Variants in XYLT1 observed in about 807,000 individuals in gnomAD.
XYLT1 encodes the protein beta-D-xylosyltransferase 1.
In XYLT1, 36 loss-of-function variants were observed where a neutral mutation model predicts 91.3. The ratio of observed to expected loss-of-function variants is 0.39; its 90% confidence interval spans 0.30 to 0.52. The LOEUF is 0.52. XYLT1 is among the 20% of genes least tolerant of loss of function. The pLI is 0.68. For synonymous variants in XYLT1, 588 were observed against 532.0 expected, an observed-to-expected ratio of 1.11 and a Z score of -1.45; for missense variants, 1,242 against 1,284.5, an observed-to-expected ratio of 0.97 and a Z score of 0.51.
At chr16:17,178,734 T>C (rs868703527) in intron 5 of XYLT1, among the ~76,000 whole-genome samples, 30 of 152,300 alleles carry the variant, frequency 2.0e-4, no homozygotes, top group South Asian at 1.0e-3. Context: ...GAGACATATA[T>C]GTACCACAAA....
intron 1 of XYLT1, among the ~76,000 whole-genome samples, chr16:17,465,547 GT>G (rs368241689): frequency 0.36 from 23,738 of 65,434 alleles, 2,559 homozygotes; most frequent in Non-Finnish European, 0.4. Context: ...AATTTTTTGT[GT>G]TTTTTTTTGG....
intron 1 of XYLT1, among the ~76,000 whole-genome samples, chr16:17,467,055 A>G (rs1338160686): frequency 6.6e-6 from 1 of 152,232 alleles, no homozygotes; most frequent in Non-Finnish European, 1.5e-5. Context: ...GTCCTGAGTT[A>G]TCTGAGTAAT....
intron 5 of XYLT1, among the ~76,000 whole-genome samples, chr16:17,167,126 C>T (rs547582276): frequency 1.3e-5 from 2 of 152,218 alleles, no homozygotes; most frequent in African/African-American, 4.8e-5. Context: ...AGGGGAGATG[C>T]AGACCTCAGT....
chr16:17,320,774 C>A (rs895918784), intron 2 of XYLT1, among the ~76,000 whole-genome samples: 12 of 123,640 alleles, frequency 9.7e-5, no homozygotes, highest in African/African-American at 3.8e-4. Flanking sequence ...GCCACCGCAT[C>A]TGGCCGACCT....
chr16:17,176,862 C>T (rs1038671822), intron 5 of XYLT1, among the ~76,000 whole-genome samples: 23 of 150,468 alleles, frequency 1.5e-4, no homozygotes, highest in Non-Finnish European at 2.4e-4. Flanking sequence ...CTTTCTTTTT[C>T]CCACTGCCAA....
intron 2 of XYLT1, among the ~76,000 whole-genome samples, chr16:17,277,653 G>A (rs1056383436): frequency 6.6e-6 from 1 of 152,134 alleles, no homozygotes; most frequent in African/African-American, 2.4e-5. Flanking sequence ...GCCTCCCAAA[G>A]TGCTGGGATT....
intron 2 of XYLT1, among the ~76,000 whole-genome samples, chr16:17,281,652 T>G (rs958021622): frequency 6.6e-6 from 1 of 152,206 alleles, no homozygotes; most frequent in Non-Finnish European, 1.5e-5. Context: ...GTGTAAGTGT[T>G]GGCAAGGTGT....
rs1047399551 is a variant in XYLT1, at chr16:17,102,232, C to G, written c.*6463G>C. The G allele has an allele frequency of 6.6e-6, 1 of 152,540 alleles. No homozygotes were observed. The highest frequency in any genetic ancestry group is 2.4e-5 in the African/African-American group (1 of 41,438). 9.4% of individuals were successfully genotyped at this position (152,540 alleles called of 1,614,324 possible). A position where few individuals can be genotyped will look rare whatever the true frequency, so the allele number is the denominator to read the frequency against. On this transcript the variant is annotated 3_prime_UTR_variant, in exon 12 of 12. Coordinates refer to ENST00000261381, the MANE Select transcript of XYLT1 (RefSeq NM_022166.4). ...CAGTTTGGATGATAAATTATATAGTCATCCTATCTTCACCATGCAGATGAC... is the reference window on the plus strand; with the variant it reads ...CAGTTTGGATGATAAATTATATAGTGATCCTATCTTCACCATGCAGATGAC...
At chr16:17,400,668 GA>G (rs2035955009) in intron 1 of XYLT1, among the ~76,000 whole-genome samples, 1 of 128,270 alleles carries the variant, frequency 7.8e-6, no homozygotes, top group African/African-American at 3.1e-5. Context: ...AGGAAGGAAG[GA>G]AGGAAGGAAC....
At chr16:17,327,896 G>A (rs1428372411) in intron 2 of XYLT1, among the ~76,000 whole-genome samples, 1 of 151,996 alleles carries the variant, frequency 6.6e-6, no homozygotes. Context: ...AAGCATAACT[G>A]GAGGATAAGA....
intron 2 of XYLT1, among the ~76,000 whole-genome samples, chr16:17,329,536 T>C (rs2034864713): frequency 6.6e-6 from 1 of 152,196 alleles, no homozygotes. Flanking sequence ...TCCAACATTA[T>C]CTCATTGCCC....
intron 10 of XYLT1, among the ~76,000 whole-genome samples, chr16:17,126,276 C>G (rs2030257686): frequency 6.6e-6 from 1 of 152,216 alleles, no homozygotes; most frequent in Non-Finnish European, 1.5e-5. Flanking sequence ...AGTCACCCAA[C>G]AGCAGGCTGA....
intron 1 of XYLT1, 58 bp from the exon 2 acceptor site, chr16:17,358,108 C>T (rs951267534): frequency 2.6e-6 from 4 of 1,525,280 alleles, no homozygotes; most frequent in Non-Finnish European, 3.6e-6. Flanking sequence ...ACTTACTACC[C>T]CAGCATCTTT....
Position 17,225,903 on chromosome 16 carries a change from C to T in XYLT1, c.914-25249G>A, listed in dbSNP as rs76662712. The stretch of plus-strand genomic sequence containing the variant: ...TGACTTCATGTGGCTTAAGCAGATT[C>T]GGATCATAAGTTCTTTGGATTTTTG... On this transcript the variant is annotated intron_variant, in intron 3 of 11. Coordinates refer to ENST00000261381, the MANE Select transcript of XYLT1 (RefSeq NM_022166.4). Among the ~76,000 whole-genome samples the T allele has an allele frequency of 7.8e-3, 1,180 of 152,174 alleles. 20 individuals carry two copies. Among genetic ancestry groups the T allele is most frequent in the African/African-American group, 0.027 (1,111 of 41,484 alleles).
intron 2 of XYLT1, among the ~76,000 whole-genome samples, chr16:17,349,484 A>G (rs111743920): frequency 0.01 from 1,582 of 152,130 alleles, 36 homozygotes; most frequent in African/African-American, 0.036. Context: ...AACTTTTAAA[A>G]GGAAACTTGG....
intron 11 of XYLT1, among the ~76,000 whole-genome samples, chr16:17,116,029 A>G (rs1028743754): frequency 6.7e-6 from 1 of 150,152 alleles, no homozygotes; most frequent in Admixed American, 6.6e-5. Flanking sequence ...GTATTATTTC[A>G]TTTTTAAAAA....
chr16:17,220,541 C>T (rs1167477834), intron 3 of XYLT1, among the ~76,000 whole-genome samples: 2 of 152,168 alleles, frequency 1.3e-5, no homozygotes, highest in Non-Finnish European at 2.9e-5. Context: ...GCCGCAATCT[C>T]GGCTCACTGC....
intron 2 of XYLT1, among the ~76,000 whole-genome samples, chr16:17,282,341 G>C (rs1171251723): frequency 1.3e-5 from 2 of 152,194 alleles, no homozygotes; most frequent in Non-Finnish European, 2.9e-5. Flanking sequence ...TGGCGGGGGT[G>C]CTGACAGCTG....
At chr16:17,370,309 T>C (rs1596507985) in intron 1 of XYLT1, among the ~76,000 whole-genome samples, 1 of 152,232 alleles carries the variant, frequency 6.6e-6, no homozygotes, top group South Asian at 2.1e-4. Context: ...TAAGTCCCAT[T>C]TGGCGGATCC....
Sources: allele counts gnomAD v4.1 joint callset (sites outside exome capture counted in the v4.1 genomes callset), GRCh38; gene constraint gnomAD v4.1.1; transcripts MANE v1.5; gene names NCBI Gene and HGNC (gene_info 2026-07-23, HGNC 2026-07-21).